Variants in TMIGD3 observed in about 807,000 individuals in gnomAD.
TMIGD3 encodes the protein transmembrane and immunoglobulin domain containing 3.
TMIGD3 carries 21 observed loss-of-function variants against 28.1 expected under a neutral mutation model. The observed-to-expected ratio is 0.75, with a 90% CI of 0.53 to 1.08. The LOEUF (loss-of-function observed/expected upper bound fraction) is 1.08, where lower values mean the gene tolerates loss of function less well. Ranked by LOEUF, TMIGD3 falls within the 50% of genes least tolerant of loss-of-function variation. TMIGD3 has a pLI of 0.00. For synonymous variants in TMIGD3, 151 were observed against 162.1 expected (o/e 0.93, Z 0.52); for missense variants, 416 against 435.6 (o/e 0.96, Z 0.40).
upstream of TMIGD3, among the ~76,000 whole-genome samples, chr1:111,508,398 A>T (rs1538251): frequency 6.6e-6 from 1 of 152,366 alleles, no homozygotes; most frequent in East Asian, 1.9e-4. Flanking sequence ...CACCAGAGGG[A>T]AGCACGTTTC....
chr1:111,491,777 T>C (rs1654678151), intron 1 of TMIGD3, among the ~76,000 whole-genome samples: 1 of 152,208 alleles, frequency 6.6e-6, no homozygotes, highest in Admixed American at 6.5e-5. Flanking sequence ...CAAATTATAA[T>C]ATGTGGAACT....
Position 111,527,006 on chromosome 1 carries a change from CT to C in TMIGD3, c.108-36245del, listed in dbSNP as rs71580580. ...ATATACATTTAAGTTTCCTCAATGT[CT>C]TTTTTTTTTTTTTTTTTTTTTGAGA... On this transcript the variant is annotated intron_variant, in intron 1 of 5. Transcript: ENST00000369717. Among the ~76,000 whole-genome samples, 473 of 87,702 alleles carry C rather than the reference CT, an allele frequency of 5.4e-3. 2 individuals carry two copies. The highest frequency in any genetic ancestry group is 0.02 in the African/African-American group (446 of 21,840). The allele number at this position is 87,702 out of a possible 152,430, so 57.5% of individuals were successfully genotyped here.
chr1:111,514,081 G>A (rs572100448), intron 1 of TMIGD3, among the ~76,000 whole-genome samples: 1 of 152,168 alleles, frequency 6.6e-6, no homozygotes, highest in Non-Finnish European at 1.5e-5. Context: ...TTCACTCTTT[G>A]CAGTGTCTTG....
chr1:111,528,147 A>C (rs897578995), intron 1 of TMIGD3, among the ~76,000 whole-genome samples: 5 of 152,100 alleles, frequency 3.3e-5, no homozygotes, highest in Non-Finnish European at 5.9e-5. Context: ...TTTATGTTTA[A>C]GTTTATAATC....
chr1:111,527,291 C>T (rs575293311), intron 1 of TMIGD3, among the ~76,000 whole-genome samples: 28 of 152,264 alleles, frequency 1.8e-4, no homozygotes, highest in South Asian at 6.2e-4. Context: ...AGATTACAGG[C>T]GTGAGCCACC....
In TMIGD3 at chr1:111,508,924, G is replaced by T. The variant is rs191592089; in HGVS notation, c.108-18162C>A. On this transcript the variant is annotated intron_variant, in intron 1 of 5. Transcript: ENST00000369717. The stretch of plus-strand genomic sequence containing the variant: ...AGCGTGACCAACGTGGTGAAACCCC[G>T]TCTCGACTAAAAATACAAAAATTAG... Among the ~76,000 whole-genome samples, 496 of 152,296 alleles carry T rather than the reference G, an allele frequency of 3.3e-3. 4 individuals are homozygous for T. Among genetic ancestry groups the T allele is most frequent in the African/African-American group, 0.011 (473 of 41,564 alleles).
intron 1 of TMIGD3, among the ~76,000 whole-genome samples, chr1:111,530,255 T>C (rs922861482): frequency 6.6e-6 from 1 of 152,234 alleles, no homozygotes; most frequent in African/African-American, 2.4e-5. Context: ...ATATCCATTT[T>C]CCCTTCCTTG....
chr1:111,526,987 A>T (rs1455055613), intron 1 of TMIGD3, among the ~76,000 whole-genome samples: 4 of 133,258 alleles, frequency 3.0e-5, no homozygotes, highest in Non-Finnish European at 6.5e-5. Context: ...TGTAATATAC[A>T]TTTAAGTTTC....
chr1:111,524,706 G>A (rs913936150), intron 1 of TMIGD3, among the ~76,000 whole-genome samples: 1 of 151,976 alleles, frequency 6.6e-6, no homozygotes, highest in Non-Finnish European at 1.5e-5. Context: ...TGCAACCTCC[G>A]CCTCCCGGGT....
intron 1 of TMIGD3, among the ~76,000 whole-genome samples, chr1:111,526,845 C>T (rs1656281895): frequency 6.6e-6 from 1 of 152,112 alleles, no homozygotes; most frequent in African/African-American, 2.4e-5. Context: ...CCTCCCTGCC[C>T]ACCAACCTCT....
chr1:111,500,407 T>A (rs1655114311), intron 1 of TMIGD3: 35 of 1,614,160 alleles, frequency 2.2e-5, no homozygotes, highest in Non-Finnish European at 2.9e-5. Context: ...GGAAACAAAT[T>A]GGCATGAAAG....
chr1:111,488,929 T>C lies in TMIGD3; in HGVS notation c.553A>G (p.Lys185Glu), dbSNP rs768957969. 6 of 1,614,070 alleles carry C rather than the reference T, an allele frequency of 3.7e-6. No individual in the cohort carries two copies. The highest frequency in any genetic ancestry group is 5.1e-6 in the Non-Finnish European group (6 of 1,180,042). ...NYNAHYKNHP[K>E]YWCRGYFRDY... ...CGGAAATAGCCTCGGCACCAGTATTTGGGGTGATTCTTGTAGTGGGCATTG... is the reference window on the plus strand; with the variant it reads ...CGGAAATAGCCTCGGCACCAGTATTCGGGGTGATTCTTGTAGTGGGCATTG... The change falls in exon 3 of 6, where the codon AAA becomes GAA. Residue 185 changes from lysine to glutamate, a missense_variant. Transcript: ENST00000369716.
intron 2 of TMIGD3, chr1:111,489,724 TG>T: frequency 9.4e-7 from 1 of 1,063,380 alleles, no homozygotes. Flanking sequence ...AGAAAGAAAG[TG>T]ATGTTTGGAG....
rs1655330556 is a variant in TMIGD3, at chr1:111,503,042, CG to C, written c.312del (p.Ile104MetfsTer29). ...TTGACCCGCAAGTATCGGTCCACAGCGATGGCCAGCAAGGACATGATGGAGG... is the reference window on the plus strand; with the variant it reads ...TTGACCCGCAAGTATCGGTCCACAGCATGGCCAGCAAGGACATGATGGAGG... Reference protein sequence around the residue: ...THASIMSLLAIAVDRYLRVKL... With the variant: ...THASIMSLLAXAVDRYLRVKL... On this transcript the variant is annotated frameshift_variant, in exon 1 of 6. Transcript: ENST00000369716. LOFTEE classifies it high-confidence loss of function. 5 of 1,614,038 alleles carry C rather than the reference CG, an allele frequency of 3.1e-6. No homozygotes were observed. Among genetic ancestry groups the C allele is most frequent in the Middle Eastern group, 1.6e-4 (1 of 6,082 alleles).
intron 1 of TMIGD3, among the ~76,000 whole-genome samples, chr1:111,556,474 C>G (rs1166101621): frequency 1.3e-5 from 2 of 152,186 alleles, no homozygotes; most frequent in African/African-American, 4.8e-5. Flanking sequence ...GCATTACTCA[C>G]AGTTGCCATA....
intron 1 of TMIGD3, among the ~76,000 whole-genome samples, chr1:111,545,796 T>C (rs1467311081): frequency 2.6e-5 from 4 of 152,160 alleles, no homozygotes; most frequent in Non-Finnish European, 5.9e-5. Flanking sequence ...TTAATTTTTG[T>C]ATACAGTGTA....
chr1:111,525,838 T>G (rs1350625059), intron 1 of TMIGD3, among the ~76,000 whole-genome samples: 1 of 152,194 alleles, frequency 6.6e-6, no homozygotes, highest in Non-Finnish European at 1.5e-5. Context: ...CACTCCAGCC[T>G]GAGAGACAGA....
Position 111,544,565 on chromosome 1 carries a change from C to T in TMIGD3, c.107+19281G>A, listed in dbSNP as rs190734718. The stretch of plus-strand genomic sequence containing the variant: ...ATCAGTCATTTTTGTAGTTGAATAA[C>T]GTTCCATTATATACCACATTTTGTT... On this transcript the variant is annotated intron_variant, in intron 1 of 5. Coordinates refer to the TMIGD3 transcript ENST00000369717. 1.6e-3 allele frequency among the ~76,000 whole-genome samples: 237 copies of T among 152,262 alleles called. 4 individuals are homozygous for T. Among genetic ancestry groups the T allele is most frequent in the Non-Finnish European group, 1.8e-3 (124 of 67,984 alleles).
rs1265504930 is a variant in TMIGD3 at position 111,483,635 on chromosome 1, T to C, written c.*52A>G. 27 of 1,411,814 alleles carry C rather than the reference T, an allele frequency of 1.9e-5. No individual in the cohort carries two copies. The Admixed American group carries it at 4.4e-4, about 23-fold the overall frequency. 87.5% of individuals were successfully genotyped at this position (1,411,814 alleles called of 1,614,324 possible). On this transcript the variant is annotated 3_prime_UTR_variant, in exon 6 of 6. Coordinates refer to ENST00000369716, the MANE Select transcript of TMIGD3 (RefSeq NM_020683.7). ...CTGAGGTGTGGGCCAGTTGTCATGGTGATTATTCTGTTGTAGCATCACTTT... is the reference window on the plus strand; with the variant it reads ...CTGAGGTGTGGGCCAGTTGTCATGGCGATTATTCTGTTGTAGCATCACTTT...
Sources: allele counts gnomAD v4.1 joint callset (sites outside exome capture counted in the v4.1 genomes callset), GRCh38; gene constraint gnomAD v4.1.1; transcripts MANE v1.5; gene names NCBI Gene and HGNC (gene_info 2026-07-23, HGNC 2026-07-21).